CCSER1: variants seen among roughly 807,000 people sequenced by gnomAD.
The protein encoded by CCSER1 is serine-rich coiled-coil domain-containing protein 1.
Under a neutral mutation model 82.0 loss-of-function variants are expected in CCSER1, and 41 were observed. That is an observed-to-expected ratio of 0.50 (90% CI 0.39 to 0.65). The LOEUF (loss-of-function observed/expected upper bound fraction) is 0.65, where lower values mean the gene tolerates loss of function less well. Among genes scored for constraint, CCSER1 ranks in the 30% least tolerant of loss-of-function variants. The pLI is 0.00. For synonymous variants in CCSER1, 414 were observed against 383.9 expected (o/e 1.08, Z -0.92); for missense variants, 1,119 against 1,064.2 (o/e 1.05, Z -0.72).
At chr4:90,911,221 A>G in intron 8 of CCSER1, 1 of 434,244 alleles carries the variant, frequency 2.3e-6, no homozygotes, top group African/African-American at 2.1e-5. Context: ...CAACAAAAAA[A>G]TTATATTAAT....
At chr4:91,222,431 T>C (rs1218820958) in intron 10 of CCSER1, among the ~76,000 whole-genome samples, 2 of 152,172 alleles carry the variant, frequency 1.3e-5, no homozygotes, top group Non-Finnish European at 2.9e-5. Context: ...AAATGTTCAA[T>C]AAATACAAGA....
intron 10 of CCSER1, among the ~76,000 whole-genome samples, chr4:91,415,957 G>C (rs1273496563): frequency 6.6e-6 from 1 of 151,998 alleles, no homozygotes; most frequent in African/African-American, 2.4e-5. Flanking sequence ...CAATTGTTTG[G>C]AATAGTTTCA....
At chr4:90,557,934 GT>G (rs1277835005) in intron 5 of CCSER1, among the ~76,000 whole-genome samples, 1 of 152,056 alleles carries the variant, frequency 6.6e-6, no homozygotes, top group Middle Eastern at 3.2e-3. Context: ...AATACTTTTA[GT>G]TTGGTAAATA....
intron 5 of CCSER1, among the ~76,000 whole-genome samples, chr4:90,615,571 T>C (rs984533087): frequency 6.6e-6 from 1 of 152,104 alleles, no homozygotes; most frequent in African/African-American, 2.4e-5. Flanking sequence ...TCAGATGTGG[T>C]GGAAACACCA....
chr4:90,826,834 G>A (rs963513178), intron 8 of CCSER1, among the ~76,000 whole-genome samples: 18 of 152,148 alleles, frequency 1.2e-4, no homozygotes, highest in African/African-American at 3.4e-4. Flanking sequence ...AAAAATAATA[G>A]CTACTATTTA....
rs1764750762 is a variant in CCSER1, at chr4:91,600,022, A to G, written c.*965A>G. On this transcript the variant is annotated 3_prime_UTR_variant, in exon 11 of 11. Transcript: ENST00000509176. ...TTATATACATCAACCCATATCTATA[A>G]TTTTATGAACTGAAGAACAGAAAGT... is the stretch of plus-strand genomic sequence containing the variant. 6.6e-6 allele frequency: 1 copy of G among 152,230 alleles called. No individual in the cohort carries two copies. Among genetic ancestry groups the G allele is most frequent in the African/African-American group, 2.4e-5 (1 of 41,558 alleles). The allele number at this position is 152,230 out of a possible 1,614,324, so 9.4% of individuals were successfully genotyped here.
chr4:91,323,278 C>G (rs1746317473), intron 10 of CCSER1, among the ~76,000 whole-genome samples: 1 of 152,132 alleles, frequency 6.6e-6, no homozygotes, highest in Admixed American at 6.6e-5. Context: ...CAGTGGTTCT[C>G]AAGCTTTAGT....
At chr4:91,371,290 C>G (rs1419272392) in intron 10 of CCSER1, among the ~76,000 whole-genome samples, 1 of 152,012 alleles carries the variant, frequency 6.6e-6, no homozygotes, top group Non-Finnish European at 1.5e-5. Context: ...TGCCCCCAAC[C>G]CCAAGCCCCC....
intron 5 of CCSER1, among the ~76,000 whole-genome samples, chr4:90,555,862 A>G (rs1272150810): frequency 6.6e-6 from 1 of 152,114 alleles, no homozygotes. Context: ...TTTCATAATA[A>G]AGACCACCAG....
chr4:90,645,493 T>C (rs1359100846), intron 6 of CCSER1, among the ~76,000 whole-genome samples: 1 of 152,212 alleles, frequency 6.6e-6, no homozygotes, highest in Non-Finnish European at 1.5e-5. Flanking sequence ...TATCTAGATA[T>C]GTAGGGATTT....
chr4:90,189,616 C>T (rs796142840), intron 1 of CCSER1, among the ~76,000 whole-genome samples: 2 of 151,402 alleles, frequency 1.3e-5, no homozygotes, highest in Non-Finnish European at 2.9e-5. Flanking sequence ...CGTAATGTTC[C>T]TTTTTTCTTA....
At chr4:91,276,578 C>CA (rs1203289836) in intron 10 of CCSER1, among the ~76,000 whole-genome samples, 1 of 151,900 alleles carries the variant, frequency 6.6e-6, no homozygotes, top group Non-Finnish European at 1.5e-5. Flanking sequence ...GAAATAAGAT[C>CA]ATGTCATCTC....
At chr4:90,963,429 C>T (rs1348734071) in intron 9 of CCSER1, among the ~76,000 whole-genome samples, 1 of 151,686 alleles carries the variant, frequency 6.6e-6, no homozygotes, top group African/African-American at 2.4e-5. Flanking sequence ...TTGTTATGGA[C>T]TGATTTGTGT....
At chr4:90,244,819 C>T (rs1721132958) in intron 1 of CCSER1, among the ~76,000 whole-genome samples, 1 of 152,094 alleles carries the variant, frequency 6.6e-6, no homozygotes, top group African/African-American at 2.4e-5. Flanking sequence ...CAAAGCCTAA[C>T]CATATCAGTC....
chr4:91,353,486 C>T (rs1422323675), intron 10 of CCSER1, among the ~76,000 whole-genome samples: 7 of 152,176 alleles, frequency 4.6e-5, no homozygotes, highest in Admixed American at 2.6e-4. Context: ...TGGTTTTGGG[C>T]GTGGTGCTGG....
At chr4:91,457,472 C>A (rs1036291492) in intron 10 of CCSER1, among the ~76,000 whole-genome samples, 1 of 151,786 alleles carries the variant, frequency 6.6e-6, no homozygotes, top group Non-Finnish European at 1.5e-5. Flanking sequence ...TGAGATCAGC[C>A]CGGGCAACAT....
intron 5 of CCSER1, among the ~76,000 whole-genome samples, chr4:90,510,497 A>G (rs555202628): frequency 6.6e-6 from 1 of 152,220 alleles, no homozygotes; most frequent in Admixed American, 6.5e-5. Context: ...TGGCTTAATC[A>G]CATATGAGAC....
chr4:91,364,867 G>A (rs915080532), intron 10 of CCSER1, among the ~76,000 whole-genome samples: 1 of 151,716 alleles, frequency 6.6e-6, no homozygotes, highest in African/African-American at 2.4e-5. Flanking sequence ...TTAATTCTAA[G>A]TTTTTTTTCT....
chr4:90,587,164 A>G (rs936036918), intron 5 of CCSER1, among the ~76,000 whole-genome samples: 1 of 152,230 alleles, frequency 6.6e-6, no homozygotes, highest in Non-Finnish European at 1.5e-5. Flanking sequence ...GGAAATGGAT[A>G]ATCTCAAAAA....
Sources: allele counts gnomAD v4.1 joint callset (sites outside exome capture counted in the v4.1 genomes callset), GRCh38; gene constraint gnomAD v4.1.1; transcripts MANE v1.5; gene names NCBI Gene and HGNC (gene_info 2026-07-23, HGNC 2026-07-21).